Variants in DDX60L observed in about 807,000 individuals in gnomAD.
The protein encoded by DDX60L is probable ATP-dependent RNA helicase DDX60-like.
DDX60L carries 191 observed loss-of-function variants against 211.6 expected under a neutral mutation model. The observed-to-expected ratio is 0.90, with a 90% CI of 0.80 to 1.02. DDX60L has a LOEUF of 1.02. Ranked by LOEUF, DDX60L falls within the 50% of genes least tolerant of loss-of-function variation. DDX60L has a pLI of 0.00. For synonymous variants in DDX60L, 706 were observed against 694.1 expected (o/e 1.02, Z -0.27); for missense variants, 2,007 against 1,984.1 (o/e 1.01, Z -0.22).
At chr4:168,455,727 T>C (rs1756471811) in intron 7 of DDX60L, among the ~76,000 whole-genome samples, 3 of 152,202 alleles carry the variant, frequency 2.0e-5, no homozygotes, top group African/African-American at 4.8e-5. Context: ...CTCTGTTTTT[T>C]AGAAGAACTG....
intron 13 of DDX60L, among the ~76,000 whole-genome samples, chr4:168,428,903 G>T (rs1275469255): frequency 6.6e-6 from 1 of 152,010 alleles, no homozygotes; most frequent in African/African-American, 2.4e-5. Context: ...AAACAAGCAT[G>T]GTCTAGTGTA....
rs770820046 is a variant in DDX60L, at chr4:168,396,060, T to C, written c.3556A>G (p.Ile1186Val). The change falls in exon 27 of 38, where the codon ATT (isoleucine) becomes GTT (valine). Residue 1186 changes from isoleucine to valine, a missense_variant. Ile to Val is a conservative substitution (Grantham distance 29). Coordinates refer to ENST00000682922, the MANE Select transcript of DDX60L (RefSeq NM_001012967.3). ...ATCTTCAGATTCTCCAGGAAATTAA[T>C]ATATTCAGCTCTATACACTTTTTTT... ...ERKKVYRAEY[I>V]NFLENLKILE... 6.2e-6 allele frequency: 10 copies of C among 1,606,058 alleles called. No homozygotes were observed. In the African/African-American group the frequency reaches 8.0e-5, roughly 13 times the overall value.
At chr4:168,415,329 C>A (rs1749357141) in intron 22 of DDX60L, 79 bp downstream of exon 22, 1 of 679,010 alleles carries the variant, frequency 1.5e-6, no homozygotes, top group South Asian at 2.7e-5. Flanking sequence ...TGCTGCAGTT[C>A]TATGAAGATT....
chr4:168,414,016 C>T (rs746456751), intron 22 of DDX60L, among the ~76,000 whole-genome samples: 3 of 152,158 alleles, frequency 2.0e-5, no homozygotes, highest in African/African-American at 4.8e-5. Context: ...CACAATGGTG[C>T]TCCTATATGT....
At chr4:168,449,580 C>A (rs1755368038) in intron 8 of DDX60L, among the ~76,000 whole-genome samples, 1 of 96,574 alleles carries the variant, frequency 1.0e-5, no homozygotes, top group South Asian at 3.8e-4. Flanking sequence ...CTAACCTGCA[C>A]AATGTGCACA....
chr4:168,431,658 T>A (rs201870413), intron 12 of DDX60L, among the ~76,000 whole-genome samples: 1 of 151,924 alleles, frequency 6.6e-6, no homozygotes, highest in African/African-American at 2.4e-5. Context: ...CATATGTAAC[T>A]AACCTGCACA....
chr4:168,423,513 C>T, intron 15 of DDX60L, 95 bp downstream of exon 15: 1 of 860,430 alleles, frequency 1.2e-6, no homozygotes, highest in Non-Finnish European at 1.7e-6. Context: ...CAATTGATAA[C>T]TCTATATGTG....
intron 1 of DDX60L, among the ~76,000 whole-genome samples, chr4:168,477,718 A>G (rs1759778222): frequency 6.6e-6 from 1 of 152,218 alleles, no homozygotes; most frequent in Non-Finnish European, 1.5e-5. Flanking sequence ...AACCCAGGTG[A>G]TGCAAAGCAA....
chr4:168,430,397 A>T (rs1476217136), intron 13 of DDX60L, 81 bp downstream of exon 13: 1 of 1,232,498 alleles, frequency 8.1e-7, no homozygotes, highest in Non-Finnish European at 1.1e-6. Flanking sequence ...AGAATGGAAG[A>T]CACCTCCAGA....
chr4:168,411,817 C>A (rs1318289760), intron 22 of DDX60L, among the ~76,000 whole-genome samples: 1 of 152,028 alleles, frequency 6.6e-6, no homozygotes, highest in Non-Finnish European at 1.5e-5. Flanking sequence ...GTGCAGCTCG[C>A]AGCTCTGAGC....
intron 1 of DDX60L, among the ~76,000 whole-genome samples, chr4:168,476,568 A>G (rs1759519758): frequency 6.6e-6 from 1 of 152,250 alleles, no homozygotes; most frequent in Non-Finnish European, 1.5e-5. Context: ...AGAGAGAGAA[A>G]GAGGGAATCC....
intron 30 of DDX60L, among the ~76,000 whole-genome samples, chr4:168,382,005 T>G (rs965015045): frequency 6.6e-6 from 1 of 152,144 alleles, no homozygotes; most frequent in Non-Finnish European, 1.5e-5. Context: ...TCTCTGTGAC[T>G]ATCAAAAGGC....
In DDX60L at chr4:168,447,360, A is replaced by T. The variant is rs554844001; in HGVS notation, c.1138+1278T>A. On this transcript the variant is annotated intron_variant, in intron 9 of 37. Transcript: ENST00000682922. The stretch of plus-strand genomic sequence containing the variant: ...CCATCTCACACCAGTTAGAATGGCA[A>T]ACATTAAAAAGTCAGGAAACAACAG... 5.7e-5 allele frequency among the ~76,000 whole-genome samples: 8 copies of T among 141,224 alleles called. No homozygotes were observed. The East Asian group carries it at 1.9e-3, about 33-fold the overall frequency. 92.6% of individuals were successfully genotyped at this position (141,224 alleles called of 152,430 possible). A position where few individuals can be genotyped will look rare whatever the true frequency, so the allele number is the denominator to read the frequency against.
chr4:168,405,576 C>A (rs1341332426), intron 24 of DDX60L, among the ~76,000 whole-genome samples: 1 of 152,114 alleles, frequency 6.6e-6, no homozygotes, highest in African/African-American at 2.4e-5. Flanking sequence ...ACAAAACTTT[C>A]TTAGATTAGC....
chr4:168,419,302 CTCA>C lies in DDX60L; in HGVS notation c.2607_2609del (p.Asp869del), dbSNP rs1415860189. On this transcript the variant is annotated inframe_deletion and splice_region_variant, in exon 19 of 38. Coordinates refer to ENST00000682922, the MANE Select transcript of DDX60L (RefSeq NM_001012967.3). ...ACCAGAGAACTAACACCAAACCTAC[CTCA>C]TCAAATATAACATATCTGATCCTTT... 3 of 1,585,492 alleles carry C rather than the reference CTCA, an allele frequency of 1.9e-6. No homozygotes were observed. Among genetic ancestry groups the C allele is most frequent in the Middle Eastern group, 1.7e-4 (1 of 5,754 alleles).
rs536710439 is a variant in DDX60L, at chr4:168,431,600, C to T, written c.1516+855G>A. On this transcript the variant is annotated intron_variant, in intron 12 of 37. Coordinates refer to ENST00000682922, the MANE Select transcript of DDX60L (RefSeq NM_001012967.3). The stretch of plus-strand genomic sequence containing the variant: ...ATAGCATTAAGAGATATACCTAATG[C>T]TAAATGACGAGTTAATGGGTGCAGC... Among the ~76,000 whole-genome samples, 328 of 151,086 alleles carry T rather than the reference C, an allele frequency of 2.2e-3. 1 individual carries two copies. The highest frequency in any genetic ancestry group is 3.8e-3 in the Non-Finnish European group (258 of 67,780).
At chr4:168,457,711 T>C (rs1463171284) in intron 6 of DDX60L, among the ~76,000 whole-genome samples, 181 bp downstream of exon 6, 2 of 152,164 alleles carry the variant, frequency 1.3e-5, no homozygotes, top group Non-Finnish European at 2.9e-5. Flanking sequence ...AAATTACATA[T>C]GCCATCCGAT....
At chr4:168,360,210 C>G (rs1266172900) in intron 37 of DDX60L, among the ~76,000 whole-genome samples, 2 of 152,190 alleles carry the variant, frequency 1.3e-5, no homozygotes, top group Non-Finnish European at 2.9e-5. Context: ...AAGAGTGCCT[C>G]TAACACAGTA....
chr4:168,368,252 T>G (rs1251334830), intron 36 of DDX60L, among the ~76,000 whole-genome samples: 8 of 152,240 alleles, frequency 5.3e-5, no homozygotes, highest in Non-Finnish European at 1.5e-5. Flanking sequence ...CTAGGGACTT[T>G]GTGCCCTGCA....
Sources: allele counts gnomAD v4.1 joint callset (sites outside exome capture counted in the v4.1 genomes callset), GRCh38; gene constraint gnomAD v4.1.1; transcripts MANE v1.5; gene names NCBI Gene and HGNC (gene_info 2026-07-23, HGNC 2026-07-21).